Variants in FAM78B observed in about 807,000 individuals in gnomAD.
FAM78B encodes protein FAM78B.
FAM78B carries 10 observed loss-of-function variants against 20.0 expected under a neutral mutation model. The ratio of observed to expected loss-of-function variants is 0.50; its 90% CI spans 0.31 to 0.85. The LOEUF (loss-of-function observed/expected upper bound fraction) is 0.85, where lower values mean the gene tolerates loss of function less well. FAM78B is among the 40% of genes least tolerant of loss of function. The probability of loss-of-function intolerance (pLI) is 0.05; values close to 1 mark genes in which losing one functional copy is unlikely to be tolerated. For missense variants in FAM78B, 283 were observed against 345.0 expected (o/e 0.82, Z 1.42); for synonymous variants, 135 against 132.8 (o/e 1.02, Z -0.12).
Position 166,107,341 on chromosome 1 carries a change from T to C in FAM78B, c.264-36578A>G, listed in dbSNP as rs186495369. Among the ~76,000 whole-genome samples the C allele has an allele frequency of 3.3e-3, 505 of 152,142 alleles. 3 individuals are homozygous for C. Among genetic ancestry groups the C allele is most frequent in the Admixed American group, 4.3e-3 (66 of 15,270 alleles). ...GATATTACAACTGACACCACTGAAA[T>C]ACAAAAGATTATTCAGGGCTCTTAT... On this transcript the variant is annotated intron_variant, in intron 1 of 1. Transcript: ENST00000354422.
In FAM78B at chr1:166,166,203, C is replaced by A. The variant is rs1156949535; in HGVS notation, c.46G>T (p.Glu16Ter). The A allele has an allele frequency of 6.3e-7, 1 of 1,578,384 alleles. No homozygotes were observed. The highest frequency in any genetic ancestry group is 8.6e-7 in the Non-Finnish European group (1 of 1,160,980). Residue 16 changes from glutamate to a stop codon, truncating the protein, a stop_gained, in exon 1 of 2, where the codon GAG becomes TAG. Transcript: ENST00000354422. LOFTEE classifies it high-confidence loss of function. ...SITCKARIRR[E>*]NIVVYDVCAT... ...CACACATCGTACACCACGATGTTCT[C>A]GCGCCGGATCCGCGCCTTGCAGGTG... is the stretch of plus-strand genomic sequence containing the variant.
intron 1 of FAM78B, 116 bp from the exon 2 acceptor site, chr1:166,070,879 A>G (rs1652000748): frequency 2.6e-6 from 3 of 1,170,942 alleles, no homozygotes; most frequent in South Asian, 3.7e-5. Context: ...GGAAGTTCAC[A>G]GGGGGAATTC....
intron 1 of FAM78B, among the ~76,000 whole-genome samples, chr1:166,108,880 T>C (rs1048292693): frequency 3.3e-5 from 5 of 152,166 alleles, no homozygotes; most frequent in Admixed American, 2.0e-4. Context: ...AACTGATCTT[T>C]GACAAAGCAA....
At chr1:166,076,131 G>A (rs1427542895) in intron 1 of FAM78B, among the ~76,000 whole-genome samples, 4 of 152,162 alleles carry the variant, frequency 2.6e-5, no homozygotes, top group Non-Finnish European at 5.9e-5. Flanking sequence ...TGTCAACATG[G>A]CAGCCACAGT....
intron 1 of FAM78B, among the ~76,000 whole-genome samples, chr1:166,080,196 A>G (rs1652507679): frequency 6.6e-6 from 1 of 152,194 alleles, no homozygotes; most frequent in Non-Finnish European, 1.5e-5. Flanking sequence ...AAATAATAAA[A>G]GTCATGAATG....
chr1:166,111,262 C>T (rs1166848754), intron 1 of FAM78B, among the ~76,000 whole-genome samples: 1 of 152,158 alleles, frequency 6.6e-6, no homozygotes, highest in African/African-American at 2.4e-5. Flanking sequence ...ACGAAGTTGT[C>T]AGAAATAGGA....
rs1653947526 is a variant in FAM78B, at chr1:166,109,848, ATATATATATATATG to A, written c.264-39099_264-39086del. 1.4e-4 allele frequency among the ~76,000 whole-genome samples: 4 copies of A among 28,450 alleles called. 1 individual carries two copies. Among genetic ancestry groups the A allele is most frequent in the Non-Finnish European group, 3.2e-4 (4 of 12,388 alleles). 18.7% of individuals were successfully genotyped at this position (28,450 alleles called of 152,430 possible). A position where few individuals can be genotyped will look rare whatever the true frequency, so the allele number is the denominator to read the frequency against. ...TATATATATGTATATATGTATATAT[ATATATATATATATG>A]TATGTGTATATATATATATGTATAT... On this transcript the variant is annotated intron_variant, in intron 1 of 1. Coordinates refer to ENST00000354422, the MANE Select transcript of FAM78B (RefSeq NM_001017961.5).
intron 1 of FAM78B, among the ~76,000 whole-genome samples, chr1:166,090,889 T>C (rs962438990): frequency 5.9e-5 from 9 of 152,214 alleles, no homozygotes; most frequent in African/African-American, 2.2e-4. Flanking sequence ...GTATTGCTCA[T>C]GGCACTTCAC....
At chr1:166,055,979 A>G (rs543980818), downstream of FAM78B, among the ~76,000 whole-genome samples, 4 of 152,322 alleles carry the variant, frequency 2.6e-5, no homozygotes, top group African/African-American at 7.2e-5. Flanking sequence ...AAAAGTGCCA[A>G]TTGTTCTTTC....
At chr1:166,060,927 A>G (rs1483417734) in intron 2 of FAM78B, among the ~76,000 whole-genome samples, 1 of 152,206 alleles carries the variant, frequency 6.6e-6, no homozygotes, top group Non-Finnish European at 1.5e-5. Flanking sequence ...TATATGTGTA[A>G]CCCATTAGCA....
intron 1 of FAM78B, among the ~76,000 whole-genome samples, chr1:166,143,584 A>G (rs982389012): frequency 1.3e-5 from 2 of 152,072 alleles, no homozygotes; most frequent in African/African-American, 2.4e-5. Context: ...TCAGCTTTCT[A>G]TTCTGAGTTG....
At chr1:166,148,187 T>C (rs1364264448) in intron 1 of FAM78B, among the ~76,000 whole-genome samples, 2 of 152,214 alleles carry the variant, frequency 1.3e-5, no homozygotes, top group East Asian at 3.8e-4. Flanking sequence ...TCTAATCAGA[T>C]GTTTTAAGGA....
chr1:166,153,329 G>A (rs996846287), intron 1 of FAM78B, among the ~76,000 whole-genome samples: 21 of 152,352 alleles, frequency 1.4e-4, no homozygotes, highest in Admixed American at 1.2e-3. Context: ...TCTGGCTAAA[G>A]CCCTGCAGCT....
downstream of FAM78B, among the ~76,000 whole-genome samples, chr1:166,068,035 CA>C (rs1470123055): frequency 2.6e-5 from 4 of 152,122 alleles, no homozygotes. Context: ...GGGGAATTTG[CA>C]AACATAAATC....
At chr1:166,099,101 CTA>C (rs1653400204) in intron 1 of FAM78B, among the ~76,000 whole-genome samples, 1 of 152,172 alleles carries the variant, frequency 6.6e-6, no homozygotes, top group African/African-American at 2.4e-5. Context: ...TTAGCCTCCT[CTA>C]ACAAAACAAT....
chr1:166,160,547 C>T (rs1034962917), intron 1 of FAM78B, among the ~76,000 whole-genome samples: 3 of 152,200 alleles, frequency 2.0e-5, no homozygotes, highest in Admixed American at 6.5e-5. Flanking sequence ...GGACAAATAA[C>T]GCAAAAGCAC....
intron 1 of FAM78B, among the ~76,000 whole-genome samples, chr1:166,108,532 C>G (rs1240358675): frequency 6.6e-6 from 1 of 152,178 alleles, no homozygotes; most frequent in Non-Finnish European, 1.5e-5. Flanking sequence ...AATGGAAACA[C>G]ATCCCACGCT....
rs368902631 is a variant in FAM78B at position 166,063,736 on chromosome 1, CAT to C, written c.*410-3075_*410-3074del. The stretch of plus-strand genomic sequence containing the variant: ...GCTTCATGGCACTGGCTGTATTCCT[CAT>C]AGTCCCCAGTAAGGTCCATGTGGCA... On this transcript the variant is annotated intron_variant and NMD_transcript_variant, in intron 2 of 2. Transcript: ENST00000435676. 3.3e-5 allele frequency among the ~76,000 whole-genome samples: 5 copies of C among 152,344 alleles called. No homozygotes were observed. In the East Asian group the frequency reaches 7.7e-4, roughly 24 times the overall value.
chr1:166,143,232 G>A (rs1655341361), intron 1 of FAM78B, among the ~76,000 whole-genome samples: 1 of 152,130 alleles, frequency 6.6e-6, no homozygotes, highest in Non-Finnish European at 1.5e-5. Flanking sequence ...CAGGGAAGAG[G>A]CCTAATTCAG....
Sources: allele counts gnomAD v4.1 joint callset (sites outside exome capture counted in the v4.1 genomes callset), GRCh38; gene constraint gnomAD v4.1.1; transcripts MANE v1.5; gene names NCBI Gene and HGNC (gene_info 2026-07-23, HGNC 2026-07-21).